Variants in RGS7 observed in about 807,000 individuals in gnomAD.
The protein encoded by RGS7 is regulator of G protein signaling 7.
In RGS7, 27 loss-of-function variants were observed where a neutral mutation model predicts 81.1. The ratio of observed to expected loss-of-function variants is 0.33; its 90% CI spans 0.25 to 0.46. The LOEUF is 0.46. Among genes scored for constraint, RGS7 ranks in the 20% least tolerant of loss-of-function variants. The pLI is 1.00. For missense variants in RGS7, 396 were observed against 607.4 expected (o/e 0.65, Z 3.66); for synonymous variants, 208 against 207.7 (o/e 1.00, Z -0.01).
intron 2 of RGS7, among the ~76,000 whole-genome samples, chr1:241,180,968 C>A (rs188272762): frequency 6.6e-6 from 1 of 152,232 alleles, no homozygotes; most frequent in African/African-American, 2.4e-5. Flanking sequence ...AGGCTACCTA[C>A]TGTATGATTC....
At chr1:241,110,626 TTTA>T (rs2065444245) in intron 2 of RGS7, among the ~76,000 whole-genome samples, 1 of 132,220 alleles carries the variant, frequency 7.6e-6, no homozygotes, top group African/African-American at 2.9e-5. Context: ...GCCATTTTAT[TTTA>T]TTATTTCATT....
At chr1:240,979,858 G>T (rs1429839312) in intron 4 of RGS7, among the ~76,000 whole-genome samples, 1 of 152,152 alleles carries the variant, frequency 6.6e-6, no homozygotes, top group African/African-American at 2.4e-5. Context: ...CAATCAATTT[G>T]TTCAAAGAGA....
chr1:241,229,685 T>C (rs2075538451), intron 2 of RGS7, among the ~76,000 whole-genome samples: 1 of 152,226 alleles, frequency 6.6e-6, no homozygotes, highest in Admixed American at 6.5e-5. Flanking sequence ...CAGGGAAATA[T>C]GCATCTTATC....
chr1:241,097,508 C>T (rs1558713971), intron 3 of RGS7, among the ~76,000 whole-genome samples: 1 of 152,116 alleles, frequency 6.6e-6, no homozygotes, highest in Non-Finnish European at 1.5e-5. Flanking sequence ...GGCTTGACAG[C>T]TTCCTGATCA....
chr1:241,252,827 T>C (rs962278191), intron 2 of RGS7, among the ~76,000 whole-genome samples: 6 of 152,206 alleles, frequency 3.9e-5, no homozygotes, highest in Non-Finnish European at 7.3e-5. Context: ...GGAGGTTGCT[T>C]TGCACAGGCC....
intron 2 of RGS7, among the ~76,000 whole-genome samples, chr1:241,244,899 T>C (rs1236254743): frequency 4.9e-5 from 7 of 142,038 alleles, no homozygotes; most frequent in East Asian, 4.2e-4. Flanking sequence ...TAGGTGGGAA[T>C]TGAACAATGA....
At chr1:241,272,776 T>G (rs1004070432) in intron 2 of RGS7, among the ~76,000 whole-genome samples, 1 of 152,224 alleles carries the variant, frequency 6.6e-6, no homozygotes, top group Non-Finnish European at 1.5e-5. Context: ...GCAAATTGGA[T>G]AATTTCTATT....
intron 2 of RGS7, among the ~76,000 whole-genome samples, chr1:241,287,655 C>A (rs2078890976): frequency 1.3e-5 from 2 of 152,046 alleles, no homozygotes; most frequent in Non-Finnish European, 2.9e-5. Flanking sequence ...AGCTGTCCTG[C>A]CTCGTGTAAT....
At chr1:241,160,925 C>T (rs1034126716) in intron 2 of RGS7, among the ~76,000 whole-genome samples, 1 of 152,032 alleles carries the variant, frequency 6.6e-6, no homozygotes, top group Non-Finnish European at 1.5e-5. Flanking sequence ...GGTGTGAAAT[C>T]AGAAGGAGTA....
chr1:241,080,286 GA>G (rs76494616), intron 3 of RGS7, among the ~76,000 whole-genome samples: 4,006 of 140,090 alleles, frequency 0.029, 178 homozygotes, highest in African/African-American at 0.097. Flanking sequence ...GTGAGGAATA[GA>G]AAAAAAAAAA....
At chr1:241,216,739 A>G (rs971299089) in intron 2 of RGS7, among the ~76,000 whole-genome samples, 8 of 152,216 alleles carry the variant, frequency 5.3e-5, no homozygotes, top group African/African-American at 1.7e-4. Flanking sequence ...AATCCTGGGA[A>G]TCTGAATGAA....
intron 3 of RGS7, among the ~76,000 whole-genome samples, chr1:241,081,904 G>T (rs1034120046): frequency 3.9e-5 from 6 of 152,174 alleles, no homozygotes; most frequent in African/African-American, 1.4e-4. Context: ...GTACTGAGAA[G>T]AATTTCCCTT....
intron 4 of RGS7, among the ~76,000 whole-genome samples, chr1:240,972,777 T>C (rs1340443786): frequency 2.0e-5 from 3 of 148,846 alleles, no homozygotes; most frequent in South Asian, 4.3e-4. Flanking sequence ...TCCCAGCACC[T>C]TGAGAGGCCA....
intron 6 of RGS7, among the ~76,000 whole-genome samples, chr1:240,898,533 G>A (rs1321870316): frequency 6.6e-6 from 1 of 152,090 alleles, no homozygotes; most frequent in Non-Finnish European, 1.5e-5. Flanking sequence ...CCTTCATTTT[G>A]TTATGTACCC....
chr1:240,952,418 G>C (rs758165940), intron 4 of RGS7, among the ~76,000 whole-genome samples: 1 of 152,006 alleles, frequency 6.6e-6, no homozygotes, highest in Non-Finnish European at 1.5e-5. Flanking sequence ...AAACAGTATA[G>C]TGTAATTTGA....
chr1:240,869,504 A>T (rs981822353), intron 7 of RGS7, among the ~76,000 whole-genome samples: 5 of 152,238 alleles, frequency 3.3e-5, no homozygotes, highest in African/African-American at 1.2e-4. Context: ...GATTTTAGAA[A>T]ATAAGATATG....
chr1:240,794,083 C>T (rs1275583106), intron 18 of RGS7, among the ~76,000 whole-genome samples: 2 of 152,182 alleles, frequency 1.3e-5, no homozygotes, highest in Non-Finnish European at 2.9e-5. Context: ...TCCAAGTCTG[C>T]TTGTGTCCTA....
chr1:241,266,074 A>G (rs2077578461), intron 2 of RGS7, among the ~76,000 whole-genome samples: 1 of 152,112 alleles, frequency 6.6e-6, no homozygotes, highest in Non-Finnish European at 1.5e-5. Context: ...GATTACAGGC[A>G]TAAGCCACCG....
chr1:241,217,333 A>G (rs757329479), intron 2 of RGS7, among the ~76,000 whole-genome samples: 1 of 152,172 alleles, frequency 6.6e-6, no homozygotes, highest in Non-Finnish European at 1.5e-5. Flanking sequence ...GAACTGTGAG[A>G]AAATAAATGT....
Sources: allele counts gnomAD v4.1 joint callset (sites outside exome capture counted in the v4.1 genomes callset), GRCh38; gene constraint gnomAD v4.1.1; transcripts MANE v1.5; gene names NCBI Gene and HGNC (gene_info 2026-07-23, HGNC 2026-07-21).